The following CTNNBL1 variants were observed in gnomAD, a reference collection of about 807,000 sequenced individuals.
CTNNBL1 encodes catenin beta like 1, also known as beta-catenin-like protein 1.
In CTNNBL1, 31 loss-of-function variants were observed where a neutral mutation model predicts 72.7. The ratio of observed to expected loss-of-function variants is 0.43; its 90% CI spans 0.32 to 0.58. The LOEUF (loss-of-function observed/expected upper bound fraction) is 0.58. Ranked by LOEUF, CTNNBL1 falls within the 20% of genes least tolerant of loss-of-function variation. CTNNBL1 has a pLI of 0.08. For synonymous variants in CTNNBL1, 240 were observed against 267.3 expected (o/e 0.90, Z 1.00); for missense variants, 534 against 725.1 (o/e 0.74, Z 3.03).
At chr20:37,857,084 G>A (rs915140894) in intron 13 of CTNNBL1, among the ~76,000 whole-genome samples, 1 of 152,230 alleles carries the variant, frequency 6.6e-6, no homozygotes, top group African/African-American at 2.4e-5. Context: ...AATTCATACA[G>A]TGGGATGAAT....
intron 3 of CTNNBL1, among the ~76,000 whole-genome samples, chr20:37,739,077 ACT>A (rs978323601): frequency 8.6e-6 from 1 of 116,332 alleles, no homozygotes; most frequent in Non-Finnish European, 1.7e-5. Flanking sequence ...ATACAGGAGC[ACT>A]GTGTGTGTGT....
chr20:37,696,722 C>T (rs887824490), intron 1 of CTNNBL1, among the ~76,000 whole-genome samples: 3 of 151,810 alleles, frequency 2.0e-5, no homozygotes, highest in Non-Finnish European at 4.4e-5. Context: ...TGATTACAGG[C>T]GTGAGCCACT....
At chr20:37,851,179 A>G (rs1312389993) in intron 13 of CTNNBL1, among the ~76,000 whole-genome samples, 1 of 152,222 alleles carries the variant, frequency 6.6e-6, no homozygotes, top group Non-Finnish European at 1.5e-5. Context: ...TTATTTTAGC[A>G]GCCCCTAAAC....
At chr20:37,761,849 G>A (rs2073420444) in intron 5 of CTNNBL1, among the ~76,000 whole-genome samples, 2 of 152,236 alleles carry the variant, frequency 1.3e-5, no homozygotes, top group African/African-American at 4.8e-5. Flanking sequence ...ATGATCAAGA[G>A]CAGGATGGGA....
chr20:37,704,659 G>A (rs1000276854), intron 1 of CTNNBL1, among the ~76,000 whole-genome samples: 7 of 151,824 alleles, frequency 4.6e-5, no homozygotes, highest in East Asian at 1.9e-4. Context: ...TGCAATGAGC[G>A]GTGATCACAC....
intron 11 of CTNNBL1, among the ~76,000 whole-genome samples, chr20:37,818,286 T>C (rs1792550093): frequency 6.6e-6 from 1 of 151,900 alleles, no homozygotes; most frequent in Non-Finnish European, 1.5e-5. Context: ...AGCATGCAAA[T>C]AATGATTTAT....
Position 37,752,232 on chromosome 20 carries a change from A to C in CTNNBL1, c.467-5327A>C, listed in dbSNP as rs551047758. 4.6e-5 allele frequency among the ~76,000 whole-genome samples: 7 copies of C among 152,246 alleles called. No individual in the cohort carries two copies. The East Asian group carries it at 1.3e-3, about 29-fold the overall frequency. On this transcript the variant is annotated intron_variant, in intron 4 of 15. Transcript: ENST00000361383. ...CCCCACTGGCATTTAAGAAGGACTTAATAAATGTTGAATGAGTACATTTTC... is the reference window on the plus strand; with the variant it reads ...CCCCACTGGCATTTAAGAAGGACTTCATAAATGTTGAATGAGTACATTTTC...
rs142639101 is a variant in CTNNBL1 at position 37,800,076 on chromosome 20, T to C, written c.1032-2791T>C. 2.6e-5 allele frequency among the ~76,000 whole-genome samples: 4 copies of C among 152,376 alleles called. No individual in the cohort carries two copies. In the East Asian group the frequency reaches 7.7e-4, roughly 29 times the overall value. On this transcript the variant is annotated intron_variant, in intron 10 of 15. Coordinates refer to ENST00000361383, the MANE Select transcript of CTNNBL1 (RefSeq NM_030877.5). ...GTAGCACTTTAATAGTGCAGGGTTT[T>C]AATAGTGTTGTGTCTGCAAAAGACT...
intron 11 of CTNNBL1, among the ~76,000 whole-genome samples, chr20:37,816,159 A>G (rs1461044559): frequency 6.6e-6 from 1 of 152,236 alleles, no homozygotes; most frequent in Non-Finnish European, 1.5e-5. Flanking sequence ...CCAGGTAGCC[A>G]AACAAAGGAT....
intron 12 of CTNNBL1, among the ~76,000 whole-genome samples, chr20:37,841,621 GT>G (rs1555833623): frequency 6.6e-6 from 1 of 152,114 alleles, no homozygotes; most frequent in Non-Finnish European, 1.5e-5. Flanking sequence ...GGCTGTGGTG[GT>G]GCCAACCTGA....
rs368650990 is a variant in CTNNBL1, at chr20:37,698,388, C to T, written c.30+4236C>T. On this transcript the variant is annotated intron_variant, in intron 1 of 15. Transcript: ENST00000361383. ...AGAACCATTCGAGAGGTGAGAGGCCCACCCGTTAGGCACCAAAAACCAGCT... is the reference window on the plus strand; with the variant it reads ...AGAACCATTCGAGAGGTGAGAGGCCTACCCGTTAGGCACCAAAAACCAGCT... Among the ~76,000 whole-genome samples the T allele has an allele frequency of 4.6e-5, 7 of 152,294 alleles. No individual in the cohort carries two copies. In the East Asian group the frequency reaches 7.7e-4, roughly 17 times the overall value.
intron 11 of CTNNBL1, among the ~76,000 whole-genome samples, chr20:37,803,879 C>T (rs1169002558): frequency 2.0e-5 from 3 of 151,312 alleles, no homozygotes; most frequent in Non-Finnish European, 2.9e-5. Flanking sequence ...TTTGTCAGTG[C>T]TTGGTGGAAT....
chr20:37,696,435 C>CTTT lies in CTNNBL1; in HGVS notation c.30+2306_30+2308dup, dbSNP rs57358123. Among the ~76,000 whole-genome samples the CTTT allele has an allele frequency of 4.2e-3, 377 of 89,582 alleles. 5 individuals are homozygous for CTTT. The highest frequency in any genetic ancestry group is 7.5e-3 in the East Asian group (21 of 2,794). The allele number at this position is 89,582 out of a possible 152,430, so 58.8% of individuals were successfully genotyped here. On this transcript the variant is annotated intron_variant, in intron 1 of 15. Coordinates refer to ENST00000361383, the MANE Select transcript of CTNNBL1 (RefSeq NM_030877.5). ...TTAGTATGAAAATAATGTACAATAT[C>CTTT]TTTTTTTTTTTTTTTTTTTTTTTTT...
At chr20:37,722,779 TG>T (rs1307257221) in intron 1 of CTNNBL1, among the ~76,000 whole-genome samples, 1 of 152,226 alleles carries the variant, frequency 6.6e-6, no homozygotes, top group African/African-American at 2.4e-5. Flanking sequence ...CAGATTTTTC[TG>T]ATTTTTGGTT....
intron 2 of CTNNBL1, 134 bp from the exon 3 acceptor site, chr20:37,737,240 CAAAA>C: frequency 1.6e-6 from 1 of 638,252 alleles, no homozygotes; most frequent in Non-Finnish European, 2.8e-6. Context: ...CAAAACAAAA[CAAAA>C]AAAGTGTACT....
chr20:37,747,378 C>CA (rs11476313), intron 4 of CTNNBL1, among the ~76,000 whole-genome samples: 535 of 42,886 alleles, frequency 0.012, 38 homozygotes, highest in Non-Finnish European at 0.015. Flanking sequence ...GACTCCATCT[C>CA]AAAAAAAAAA....
chr20:37,696,558 C>G (rs6091096), intron 1 of CTNNBL1, among the ~76,000 whole-genome samples: 3 of 150,624 alleles, frequency 2.0e-5, no homozygotes, highest in Admixed American at 6.6e-5. Context: ...ATTCTCCTGC[C>G]TCAGCCTCCT....
intron 15 of CTNNBL1, among the ~76,000 whole-genome samples, chr20:37,867,149 A>G (rs759372104): frequency 9.2e-5 from 14 of 152,174 alleles, no homozygotes; most frequent in Non-Finnish European, 1.9e-4. Context: ...TTCCAAGTTC[A>G]TTGTTGTTGT....
chr20:37,700,402 TTGG>T (rs936680584), intron 1 of CTNNBL1, among the ~76,000 whole-genome samples: 1 of 152,230 alleles, frequency 6.6e-6, no homozygotes, highest in African/African-American at 2.4e-5. Flanking sequence ...TTGGGGCGAC[TTGG>T]TGGGAAGATT....
Sources: gnomAD v4.1 joint callset for allele counts (sites outside exome capture counted in the v4.1 genomes callset) on GRCh38, gnomAD v4.1.1 for gene constraint, MANE v1.5 for transcripts, NCBI Gene and HGNC (gene_info 2026-07-23, HGNC 2026-07-21) for gene names.